TEAD1: variants seen among roughly 807,000 people sequenced by gnomAD.
TEAD1 encodes TEA domain transcription factor 1.
TEAD1 carries 9 observed loss-of-function variants against 54.9 expected under a neutral mutation model. The observed-to-expected ratio is 0.16, with a 90% confidence interval of 0.10 to 0.29. The LOEUF (loss-of-function observed/expected upper bound fraction) is 0.29. Ranked by LOEUF, TEAD1 falls within the 10% of genes least tolerant of loss-of-function variation. The probability of loss-of-function intolerance (pLI) is 1.00; values close to 1 mark genes in which losing one functional copy is unlikely to be tolerated. For synonymous variants in TEAD1, 200 were observed against 187.8 expected, an observed-to-expected ratio of 1.07 and a Z score of -0.53; for missense variants, 387 against 535.9, an observed-to-expected ratio of 0.72 and a Z score of 2.74.
At chr11:12,899,959 G>T (rs1267222115) in intron 9 of TEAD1, among the ~76,000 whole-genome samples, 3 of 152,224 alleles carry the variant, frequency 2.0e-5, no homozygotes, top group Middle Eastern at 3.2e-3. Flanking sequence ...TGGGTAGCAG[G>T]TTATAGATTT....
chr11:12,908,797 T>G (rs1948563506), intron 10 of TEAD1, among the ~76,000 whole-genome samples: 1 of 152,084 alleles, frequency 6.6e-6, no homozygotes, highest in Non-Finnish European at 1.5e-5. Flanking sequence ...GTAGTTTTGA[T>G]CAAGGAATAC....
At position 12,902,051 on chromosome 11, in the gene TEAD1, G is replaced by C. The variant is rs1034079437; in HGVS notation, c.811G>C (p.Gly271Arg). 6 of 1,614,224 alleles carry C rather than the reference G, an allele frequency of 3.7e-6. No homozygotes were observed. The highest frequency in any genetic ancestry group is 5.1e-6 in the Non-Finnish European group (6 of 1,180,036). ...TTATGACAAATTTCCTGAAAAGAAA[G>C]GTGGCTTAAAGGAACTGTTTGGAAA... Residue 271 changes from glycine to arginine, a missense_variant, in exon 10 of 13, where the codon GGT becomes CGT. Gly to Arg is a moderately radical substitution (Grantham distance 125). Around this residue, in one of 5 missense-constraint regions of TEAD1, gnomAD observed 123 missense variants for 199.0 expected, o/e 0.62. Coordinates refer to ENST00000527636, the MANE Select transcript of TEAD1 (RefSeq NM_021961.6).
intron 2 of TEAD1, among the ~76,000 whole-genome samples, chr11:12,737,328 C>CAAAAAAAAA (rs5789738): frequency 7.6e-6 from 1 of 131,948 alleles, no homozygotes; most frequent in Non-Finnish European, 1.7e-5. Context: ...AAAGACTAAG[C>CAAAAAAAAA]AAAAAAAAAA....
chr11:12,915,976 T>C (rs927476418), intron 10 of TEAD1, among the ~76,000 whole-genome samples: 2 of 152,176 alleles, frequency 1.3e-5, no homozygotes, highest in African/African-American at 4.8e-5. Flanking sequence ...GAAGGATGAT[T>C]TGGGAAAGAA....
At chr11:12,934,201 G>T (rs1439597503) in intron 12 of TEAD1, among the ~76,000 whole-genome samples, 1 of 152,170 alleles carries the variant, frequency 6.6e-6, no homozygotes, top group Non-Finnish European at 1.5e-5. Flanking sequence ...GGAATACTAT[G>T]CAGCCATAAA....
chr11:12,865,071 AT>A (rs1312803341), intron 5 of TEAD1, 171 bp downstream of exon 5: 1 of 757,952 alleles, frequency 1.3e-6, no homozygotes, highest in Non-Finnish European at 2.3e-6. Flanking sequence ...CTAGCCTCAC[AT>A]TAAACTCAAT....
At chr11:12,831,607 A>C (rs1469811369) in intron 3 of TEAD1, among the ~76,000 whole-genome samples, 3 of 152,092 alleles carry the variant, frequency 2.0e-5, no homozygotes, top group African/African-American at 7.2e-5. Context: ...GTGAGACCTT[A>C]TCTCTACAAA....
rs1949153239 is a variant in TEAD1 at position 12,940,670 on chromosome 11, T to C, written c.*3448T>C. 2 of 152,192 alleles carry C rather than the reference T, an allele frequency of 1.3e-5. No individual in the cohort carries two copies. Among genetic ancestry groups the C allele is most frequent in the Non-Finnish European group, 2.9e-5 (2 of 68,034 alleles). The allele number at this position is 152,192 out of a possible 1,614,324, so 9.4% of individuals were successfully genotyped here. On this transcript the variant is annotated 3_prime_UTR_variant, in exon 13 of 13. Coordinates refer to ENST00000527636, the MANE Select transcript of TEAD1 (RefSeq NM_021961.6). Reference sequence around the variant, plus strand: ...TCCCTTTAATCAACTCACACCTGTTTAAAGAGTGTTTCTGATTTGACCTTC... The same window carrying C: ...TCCCTTTAATCAACTCACACCTGTTCAAAGAGTGTTTCTGATTTGACCTTC...
chr11:12,734,023 G>A lies in TEAD1; in HGVS notation c.-54-30156G>A, dbSNP rs1944475558. 2.0e-5 allele frequency among the ~76,000 whole-genome samples: 3 copies of A among 152,120 alleles called. No individual in the cohort carries two copies. In the South Asian group the frequency reaches 6.2e-4, roughly 32 times the overall value. Reference sequence around the variant, plus strand: ...CAGCCTTGAACTTGTAGGCTCAAGTGACCCTCCTGCTTCAGCCTCCCAAGT... The same window carrying A: ...CAGCCTTGAACTTGTAGGCTCAAGTAACCCTCCTGCTTCAGCCTCCCAAGT... On this transcript the variant is annotated intron_variant, in intron 2 of 12. Transcript: ENST00000527636.
At chr11:12,841,389 G>T (rs888339381) in intron 3 of TEAD1, among the ~76,000 whole-genome samples, 1 of 152,214 alleles carries the variant, frequency 6.6e-6, no homozygotes, top group Non-Finnish European at 1.5e-5. Context: ...CTGAGATGGT[G>T]GGGATGGATG....
At chr11:12,776,549 T>C (rs745976627) in intron 3 of TEAD1, among the ~76,000 whole-genome samples, 1 of 152,096 alleles carries the variant, frequency 6.6e-6, no homozygotes, top group African/African-American at 2.4e-5. Flanking sequence ...AAACACTGGG[T>C]ACTTTACAGT....
intron 10 of TEAD1, among the ~76,000 whole-genome samples, chr11:12,915,504 C>T (rs984979868): frequency 3.9e-5 from 6 of 152,170 alleles, no homozygotes; most frequent in African/African-American, 1.4e-4. Context: ...GAGAGTGTTG[C>T]ATTTTTCATA....
intron 2 of TEAD1, among the ~76,000 whole-genome samples, chr11:12,677,469 C>T (rs1943122225): frequency 6.6e-6 from 1 of 152,086 alleles, no homozygotes; most frequent in Non-Finnish European, 1.5e-5. Context: ...ACTTGGGAGA[C>T]TGGAGTCCCC....
At chr11:12,867,479 G>A (rs776050308) in intron 5 of TEAD1, among the ~76,000 whole-genome samples, 4 of 152,302 alleles carry the variant, frequency 2.6e-5, no homozygotes, top group Middle Eastern at 3.4e-3. Context: ...TAGGACAGTC[G>A]CAGAGAGTGA....
chr11:12,790,432 TA>T (rs1484293368), intron 3 of TEAD1, among the ~76,000 whole-genome samples: 3 of 152,196 alleles, frequency 2.0e-5, no homozygotes, highest in Non-Finnish European at 2.9e-5. Context: ...TTGGACACAG[TA>T]GGTACTCAGT....
At chr11:12,783,191 C>CTT (rs1564938284) in intron 3 of TEAD1, among the ~76,000 whole-genome samples, 2,193 of 114,060 alleles carry the variant, frequency 0.019, 122 homozygotes, top group African/African-American at 0.078. Flanking sequence ...AGTTTTTGTG[C>CTT]CTTTTTTTTT....
Position 12,883,101 on chromosome 11 carries a change from C to A in TEAD1, c.675C>A (p.Leu225=). ...GCCTGGTGGAATTTTCAGCTTTTCT[C>A]GAGCAGCAGCGAGACCCAGACTCGG... The change falls in exon 9 of 13, where the codon CTC becomes CTA. Residue 225 remains leucine (L), a synonymous_variant. Transcript: ENST00000527636. 1 of 1,614,196 alleles carries A rather than the reference C, an allele frequency of 6.2e-7. No individual in the cohort carries two copies. The highest frequency in any genetic ancestry group is 8.5e-7 in the Non-Finnish European group (1 of 1,180,046).
At chr11:12,862,982 C>T (rs943688420) in intron 4 of TEAD1, among the ~76,000 whole-genome samples, 10 of 148,666 alleles carry the variant, frequency 6.7e-5, no homozygotes, top group African/African-American at 2.2e-4. Flanking sequence ...AGAACTGGAA[C>T]GAATGAGAAA....
intron 3 of TEAD1, among the ~76,000 whole-genome samples, chr11:12,798,219 C>T (rs1214225967): frequency 1.3e-5 from 2 of 152,168 alleles, no homozygotes; most frequent in Admixed American, 6.5e-5. Context: ...TGTACCCATC[C>T]TCTAGACAGT....
Sources: gnomAD v4.1 joint callset for allele counts (sites outside exome capture counted in the v4.1 genomes callset) on GRCh38, gnomAD v4.1.1 for gene constraint, gnomAD v4.1.1 regional missense constraint, MANE v1.5 for transcripts, NCBI Gene and HGNC (gene_info 2026-07-23, HGNC 2026-07-21) for gene names.